TFEC: variants seen among roughly 807,000 people sequenced by gnomAD.
TFEC encodes the protein transcription factor EC, also known as class E basic helix-loop-helix protein 34.
Under a neutral mutation model 41.6 loss-of-function variants are expected in TFEC, and 31 were observed. The ratio of observed to expected loss-of-function variants is 0.74; its 90% CI spans 0.56 to 1.01. The LOEUF is 1.01. TFEC is among the 50% of genes least tolerant of loss of function. TFEC has a pLI of 0.00. For synonymous variants in TFEC, 143 were observed against 140.6 expected, an observed-to-expected ratio of 1.02 and a Z score of -0.12; for missense variants, 402 against 404.1, an observed-to-expected ratio of 0.99 and a Z score of 0.04.
intron 1 of TFEC, among the ~76,000 whole-genome samples, chr7:115,985,127 T>G (rs970830787): frequency 6.6e-6 from 1 of 152,102 alleles, no homozygotes; most frequent in Non-Finnish European, 1.5e-5. Context: ...ATTTTCACCT[T>G]ATAAAAATGA....
At chr7:116,088,510 C>T (rs1280377689) in intron 3 of TFEC, among the ~76,000 whole-genome samples, 1 of 152,044 alleles carries the variant, frequency 6.6e-6, no homozygotes, top group Admixed American at 6.6e-5. Context: ...GTATTCACCT[C>T]TCAGGGTGGT....
rs1793307336 is a variant in TFEC at position 115,937,890 on chromosome 7, G to A, written c.*2661C>T. ...ACAGTTCTATACTTTTCTAGGGAGA[G>A]GGTCTATAACTCACTAGATTCTCAA... is the stretch of plus-strand genomic sequence containing the variant. On this transcript the variant is annotated 3_prime_UTR_variant, in exon 8 of 8. Transcript: ENST00000265440. 6.6e-6 allele frequency: 1 copy of A among 151,770 alleles called. No homozygotes were observed. Among genetic ancestry groups the A allele is most frequent in the Non-Finnish European group, 1.5e-5 (1 of 67,832 alleles). 9.4% of individuals were successfully genotyped at this position (151,770 alleles called of 1,614,324 possible). A position where few individuals can be genotyped will look rare whatever the true frequency, so the allele number is the denominator to read the frequency against.
At chr7:116,031,568 C>G (rs1795783744), upstream of TFEC, among the ~76,000 whole-genome samples, 1 of 152,102 alleles carries the variant, frequency 6.6e-6, no homozygotes, top group Admixed American at 6.6e-5. Context: ...ACATGACTTT[C>G]TTGTCTTACC....
chr7:116,088,323 T>A lies in TFEC; in HGVS notation c.198+22385A>T, dbSNP rs569389144. ...AATTCTCTTTTCATTGTCTTTCCAA[T>A]TAGACTGTCAACTCTCTGATAAGAG... is the stretch of plus-strand genomic sequence containing the variant. On this transcript the variant is annotated intron_variant, in intron 3 of 8. Coordinates refer to the TFEC transcript ENST00000484212. Among the ~76,000 whole-genome samples, 4 of 152,262 alleles carry A rather than the reference T, an allele frequency of 2.6e-5. No individual in the cohort carries two copies. In the East Asian group the frequency reaches 7.7e-4, roughly 29 times the overall value.
intron 3 of TFEC, among the ~76,000 whole-genome samples, chr7:115,959,868 T>C (rs1189002031): frequency 6.6e-6 from 1 of 151,418 alleles, no homozygotes; most frequent in Non-Finnish European, 1.5e-5. Flanking sequence ...GGAATAGAAT[T>C]ATTAGAACTA....
At position 115,957,881 on chromosome 7, in the gene TFEC, T is replaced by C. The variant is rs200716865; in HGVS notation, c.268-1088A>G. On this transcript the variant is annotated intron_variant, in intron 3 of 7. Coordinates refer to ENST00000265440, the MANE Select transcript of TFEC (RefSeq NM_012252.4). ...AGGAAGTAAATATGAAGAAAGGACA[T>C]ATTATATCCAAAATTAGTTTCTGAG... Among the ~76,000 whole-genome samples, 22 of 151,984 alleles carry C rather than the reference T, an allele frequency of 1.4e-4. No individual in the cohort carries two copies. The East Asian group carries it at 3.5e-3, about 24-fold the overall frequency.
At chr7:116,080,692 T>C (rs895244900) in intron 3 of TFEC, among the ~76,000 whole-genome samples, 16 of 151,944 alleles carry the variant, frequency 1.1e-4, no homozygotes, top group Non-Finnish European at 1.3e-4. Flanking sequence ...CAAAAAATAA[T>C]AGATGTTGGC....
At chr7:116,112,349 C>T (rs1797873942) in intron 1 of TFEC, among the ~76,000 whole-genome samples, 1 of 152,018 alleles carries the variant, frequency 6.6e-6, no homozygotes, top group Non-Finnish European at 1.5e-5. Context: ...TTTGTTCAAA[C>T]ATTTTCATAG....
chr7:115,976,969 T>C (rs1398216789), intron 2 of TFEC, among the ~76,000 whole-genome samples: 1 of 152,176 alleles, frequency 6.6e-6, no homozygotes, highest in Non-Finnish European at 1.5e-5. Context: ...ACATCCTCCT[T>C]TGGAGGCTGT....
At chr7:115,979,244 C>T (rs11767053) in intron 2 of TFEC, among the ~76,000 whole-genome samples, 41,755 of 151,964 alleles carry the variant, frequency 0.27, 6,978 homozygotes, top group Non-Finnish European at 0.38. Flanking sequence ...TGACTTGATA[C>T]TGTTTAACAT....
intron 3 of TFEC, among the ~76,000 whole-genome samples, chr7:116,038,952 C>T (rs1398019712): frequency 2.6e-5 from 4 of 152,090 alleles, no homozygotes; most frequent in Admixed American, 2.6e-4. Context: ...TTCAGCACTA[C>T]TGAGAGACGA....
intron 3 of TFEC, among the ~76,000 whole-genome samples, chr7:115,961,282 T>C (rs1270424157): frequency 1.3e-5 from 2 of 151,612 alleles, no homozygotes; most frequent in Non-Finnish European, 3.0e-5. Flanking sequence ...CATAGAGTGA[T>C]TGCCAAAATA....
chr7:116,124,207 G>A (rs1337601726), intron 1 of TFEC, among the ~76,000 whole-genome samples: 1 of 152,062 alleles, frequency 6.6e-6, no homozygotes, highest in African/African-American at 2.4e-5. Flanking sequence ...AACCACGAAA[G>A]TTTTTAATGG....
intron 3 of TFEC, among the ~76,000 whole-genome samples, chr7:116,046,981 G>T (rs960452901): frequency 2.6e-5 from 4 of 152,142 alleles, no homozygotes; most frequent in Admixed American, 1.3e-4. Context: ...TAAATACTTA[G>T]AAAGCATTTA....
intron 6 of TFEC, among the ~76,000 whole-genome samples, chr7:115,945,725 G>A (rs1306420783): frequency 6.6e-6 from 1 of 151,654 alleles, no homozygotes; most frequent in Non-Finnish European, 1.5e-5. Context: ...GATTCATAAG[G>A]AAGAGAAAAA....
intron 3 of TFEC, among the ~76,000 whole-genome samples, chr7:115,967,688 G>A (rs62477236): frequency 4.0e-5 from 6 of 151,682 alleles, no homozygotes; most frequent in Non-Finnish European, 8.8e-5. Flanking sequence ...GTGTTGAGCT[G>A]GAATAGGAGA....
chr7:116,060,727 A>G (rs1796534809), intron 3 of TFEC, among the ~76,000 whole-genome samples: 1 of 152,138 alleles, frequency 6.6e-6, no homozygotes. Flanking sequence ...AGATGGGAAG[A>G]AGGAGAGGAG....
At position 115,936,774 on chromosome 7, in the gene TFEC, C is replaced by A. The variant is rs1793245866; in HGVS notation, c.*3777G>T. 6.6e-6 allele frequency: 1 copy of A among 150,958 alleles called. No individual in the cohort carries two copies. The highest frequency in any genetic ancestry group is 2.4e-5 in the African/African-American group (1 of 41,174). The allele number at this position is 150,958 out of a possible 1,614,324, so 9.4% of individuals were successfully genotyped here. A position where few individuals can be genotyped will look rare whatever the true frequency, so the allele number is the denominator to read the frequency against. ...TTGTATCTGTTTTTTTAAGTAAGAGCTATTAAATATTTGATTTACAGTCAT... is the reference window on the plus strand; with the variant it reads ...TTGTATCTGTTTTTTTAAGTAAGAGATATTAAATATTTGATTTACAGTCAT... On this transcript the variant is annotated 3_prime_UTR_variant, in exon 8 of 8. Transcript: ENST00000265440.
chr7:116,015,651 C>T (rs991379298), intron 1 of TFEC, among the ~76,000 whole-genome samples: 5 of 151,844 alleles, frequency 3.3e-5, no homozygotes, highest in African/African-American at 7.3e-5. Flanking sequence ...CAAATATTAC[C>T]GATAATATAT....
Sources: gnomAD v4.1 joint callset for allele counts (sites outside exome capture counted in the v4.1 genomes callset) on GRCh38, gnomAD v4.1.1 for gene constraint, MANE v1.5 for transcripts, NCBI Gene and HGNC (gene_info 2026-07-23, HGNC 2026-07-21) for gene names.